The following SV2B variants were observed in gnomAD, a reference collection of about 807,000 sequenced individuals.
SV2B encodes solute carrier family 22 member B2.
In SV2B, 41 loss-of-function variants were observed where a neutral mutation model predicts 73.9. That is an observed-to-expected ratio of 0.56 (90% CI 0.43 to 0.72). The LOEUF is 0.72. Among genes scored for constraint, SV2B ranks in the 30% least tolerant of loss-of-function variants. The probability of loss-of-function intolerance (pLI) is 0.00; values close to 1 mark genes in which losing one functional copy is unlikely to be tolerated. For synonymous variants in SV2B, 314 were observed against 314.2 expected (o/e 1.00, Z 0.01); for missense variants, 764 against 857.8 (o/e 0.89, Z 1.37).
At chr15:91,149,477 T>G in intron 1 of SV2B, among the ~76,000 whole-genome samples, 1 of 152,204 alleles carries the variant, frequency 6.6e-6, no homozygotes, top group Admixed American at 6.5e-5. Context: ...AAGAGAAACT[T>G]GAGTTCTTAG....
rs1033950588 is a variant in SV2B at position 91,128,415 on chromosome 15, G to A, written c.-392+28052G>A. On this transcript the variant is annotated intron_variant, in intron 1 of 12. Transcript: ENST00000394232. The surrounding 1 kb of genome is among the most constrained non-coding windows in gnomAD (Gnocchi z 4.2). ...CTTACCCAGGGTCTGATTCCACCCC[G>A]CAAACCCTCACCTGGCTGAATATGA... is the stretch of plus-strand genomic sequence containing the variant. Among the ~76,000 whole-genome samples, 6 of 152,120 alleles carry A rather than the reference G, an allele frequency of 3.9e-5. No homozygotes were observed. The highest frequency in any genetic ancestry group is 1.2e-4 in the African/African-American group (5 of 41,418).
At chr15:91,199,851 G>A (rs1312552532) in intron 1 of SV2B, among the ~76,000 whole-genome samples, 1 of 152,178 alleles carries the variant, frequency 6.6e-6, no homozygotes, top group Non-Finnish European at 1.5e-5. Context: ...CAAACATACC[G>A]CTGTTGGGGC....
intron 1 of SV2B, among the ~76,000 whole-genome samples, chr15:91,201,453 T>C (rs1442264820): frequency 6.6e-6 from 1 of 152,198 alleles, no homozygotes; most frequent in East Asian, 1.9e-4. Flanking sequence ...CAAGGTCACA[T>C]AGTTAATAGC....
At position 91,209,114 on chromosome 15, in the gene SV2B, G is replaced by T. The variant is rs113721430; in HGVS notation, c.-391-16759G>T. On this transcript the variant is annotated intron_variant, in intron 1 of 12. Coordinates refer to ENST00000394232, the MANE Select transcript of SV2B (RefSeq NM_001323032.3). Reference sequence around the variant, plus strand: ...AGTGACTGTGGCAGTACTGTTTTTTGTTTTTTTTTTTTTTTTTTTTTTTTT... The same window carrying T: ...AGTGACTGTGGCAGTACTGTTTTTTTTTTTTTTTTTTTTTTTTTTTTTTTT... 5.2e-3 allele frequency among the ~76,000 whole-genome samples: 467 copies of T among 89,928 alleles called. 3 individuals carry two copies. Among genetic ancestry groups the T allele is most frequent in the African/African-American group, 0.019 (305 of 16,016 alleles). 59.0% of individuals were successfully genotyped at this position (89,928 alleles called of 152,430 possible). A position where few individuals can be genotyped will look rare whatever the true frequency, so the allele number is the denominator to read the frequency against.
intron 9 of SV2B, among the ~76,000 whole-genome samples, chr15:91,276,591 A>G (rs1244688004): frequency 1.3e-5 from 2 of 151,942 alleles, no homozygotes; most frequent in Admixed American, 1.3e-4. Flanking sequence ...TGATGAGCCT[A>G]ATAATGAGTC....
At chr15:91,221,693 G>GCGCACGCGCACACA (rs370290337) in intron 1 of SV2B, among the ~76,000 whole-genome samples, 2 of 140,068 alleles carry the variant, frequency 1.4e-5, no homozygotes, top group East Asian at 2.1e-4. Context: ...AAGCATGTGC[G>GCGCACGCGCACACA]CACACACACA....
intron 9 of SV2B, among the ~76,000 whole-genome samples, chr15:91,276,000 A>T (rs955854351): frequency 2.0e-5 from 3 of 151,152 alleles, no homozygotes; most frequent in Non-Finnish European, 4.4e-5. Context: ...TGTTTGTCTG[A>T]TGGATCTGTT....
Position 91,280,857 on chromosome 15 carries a change from G to A in SV2B, c.1374-871G>A, listed in dbSNP as rs1049000739. Among the ~76,000 whole-genome samples, 1 of 152,178 alleles carries A rather than the reference G, an allele frequency of 6.6e-6. No homozygotes were observed. The highest frequency in any genetic ancestry group is 2.4e-5 in the African/African-American group (1 of 41,448). On this transcript the variant is annotated intron_variant, in intron 9 of 12. Coordinates refer to ENST00000394232, the MANE Select transcript of SV2B (RefSeq NM_001323032.3). The surrounding 1 kb of genome is among the most constrained non-coding windows in gnomAD (Gnocchi z 5.8). The stretch of plus-strand genomic sequence containing the variant: ...AAACAACCGTTTCTATCAGTTTCTT[G>A]TGTAGCTCTCCAGATATATTTGGAA...
At position 91,258,380 on chromosome 15, in the gene SV2B, A is replaced by T; in HGVS notation, c.785-41A>T. The T allele has an allele frequency of 6.2e-7, 1 of 1,610,914 alleles. No individual in the cohort carries two copies. The highest frequency in any genetic ancestry group is 8.5e-7 in the Non-Finnish European group (1 of 1,178,446). ...GAGTCACTCTTCCGTAGAGGAAAAG[A>T]TCATGTCCCAGAAATCCTTTGACTG... On this transcript the variant is annotated intron_variant, in intron 4 of 12. Coordinates refer to ENST00000394232, the MANE Select transcript of SV2B (RefSeq NM_001323032.3). The surrounding 1 kb of genome is among the most constrained non-coding windows in gnomAD (Gnocchi z 4.7).
rs1263474079 is a variant in SV2B, at chr15:91,266,615, G to A, written c.1042G>A (p.Glu348Lys). ...SNIKTPKQMDEFIEIQSSTGT... is the reference protein window; with the variant it reads ...SNIKTPKQMDKFIEIQSSTGT... ...CATCAAAACTCCCAAGCAAATGGATGAATTCATTGAGATCCAAAGTTCAAC... is the reference window on the plus strand; with the variant it reads ...CATCAAAACTCCCAAGCAAATGGATAAATTCATTGAGATCCAAAGTTCAAC... The change falls in exon 7 of 13, where the codon GAA becomes AAA. Residue 348 changes from glutamate (E) to lysine (K), a missense_variant. By Grantham distance (56) the Glu-to-Lys change is moderately conservative. Transcript: ENST00000394232. 6 of 1,614,124 alleles carry A rather than the reference G, an allele frequency of 3.7e-6. No homozygotes were observed. The African/African-American group carries it at 8.0e-5, about 22-fold the overall frequency.
rs541088800 is a variant in SV2B at position 91,229,828 on chromosome 15, A to G, written c.451+3114A>G. Among the ~76,000 whole-genome samples the G allele has an allele frequency of 1.6e-4, 25 of 152,312 alleles. No individual in the cohort carries two copies. Among genetic ancestry groups the G allele is most frequent in the Non-Finnish European group, 2.1e-4 (14 of 68,030 alleles). On this transcript the variant is annotated intron_variant, in intron 2 of 12. Transcript: ENST00000394232. The surrounding 1 kb of genome is among the most constrained non-coding windows in gnomAD (Gnocchi z 4.3). ...TGAGACTGCAAATTTCTTTCAGCCA[A>G]TGTTTTTTATGGTAGACTTCTAAGG...
At chr15:91,167,798 T>A (rs2043967450) in intron 1 of SV2B, among the ~76,000 whole-genome samples, 1 of 152,246 alleles carries the variant, frequency 6.6e-6, no homozygotes, top group Admixed American at 6.5e-5. Context: ...TTACATTCTA[T>A]AGATTTTGAT....
At chr15:91,254,699 G>A (rs901318712) in intron 4 of SV2B, among the ~76,000 whole-genome samples, 16 of 152,202 alleles carry the variant, frequency 1.1e-4, no homozygotes, top group East Asian at 1.9e-4. Flanking sequence ...GGGGAGAAGT[G>A]ACACAAAAAG....
In SV2B at chr15:91,128,450, A is replaced by T. The variant is rs2042549558; in HGVS notation, c.-392+28087A>T. Among the ~76,000 whole-genome samples the T allele has an allele frequency of 6.6e-6, 1 of 152,146 alleles. No individual in the cohort carries two copies. The highest frequency in any genetic ancestry group is 2.1e-4 in the South Asian group (1 of 4,828). On this transcript the variant is annotated intron_variant, in intron 1 of 12. Transcript: ENST00000394232. This position sits in a 1 kb window ranked among gnomAD's most constrained non-coding sequence, Gnocchi z 4.2. ...ACCTGGCTGAATATGAGATCCCTAC[A>T]TTGCTATTGGCGCTCAGAAAACAAT... is the stretch of plus-strand genomic sequence containing the variant.
rs758558427 is a variant in SV2B, at chr15:91,137,260, C to T, written c.-392+36897C>T. Among the ~76,000 whole-genome samples the T allele has an allele frequency of 1.3e-3, 191 of 152,096 alleles. 1 individual carries two copies. Among genetic ancestry groups the T allele is most frequent in the Non-Finnish European group, 2.2e-3 (150 of 68,030 alleles). On this transcript the variant is annotated intron_variant, in intron 1 of 12. Coordinates refer to ENST00000394232, the MANE Select transcript of SV2B (RefSeq NM_001323032.3). This position sits in a 1 kb window ranked among gnomAD's most constrained non-coding sequence, Gnocchi z 4.9. Reference sequence around the variant, plus strand: ...CTCCAGTCTCCAACTACTAATCACCCCAGTTAATGAGTTGTTTAAGCCACC... The same window carrying T: ...CTCCAGTCTCCAACTACTAATCACCTCAGTTAATGAGTTGTTTAAGCCACC...
chr15:91,131,850 C>A (rs140785242), intron 1 of SV2B, among the ~76,000 whole-genome samples: 1 of 152,124 alleles, frequency 6.6e-6, no homozygotes, highest in African/African-American at 2.4e-5. Context: ...GTAATCCCAG[C>A]TACTCAGGAG....
chr15:91,115,082 A>G lies in SV2B; in HGVS notation c.-392+14719A>G, dbSNP rs182135249. ...GGAGTTTCTTAAAGGAACACTGGAG[A>G]GTTGTTACTGAAAGAAGGGGACATA... is the stretch of plus-strand genomic sequence containing the variant. On this transcript the variant is annotated intron_variant, in intron 1 of 12. Transcript: ENST00000394232. This position sits in a 1 kb window ranked among gnomAD's most constrained non-coding sequence, Gnocchi z 4.3. Among the ~76,000 whole-genome samples the G allele has an allele frequency of 9.2e-5, 14 of 152,316 alleles. No individual in the cohort carries two copies. The East Asian group carries it at 2.5e-3, about 27-fold the overall frequency.
intron 1 of SV2B, among the ~76,000 whole-genome samples, chr15:91,158,611 G>A (rs1338810703): frequency 7.1e-6 from 1 of 140,968 alleles, no homozygotes; most frequent in Non-Finnish European, 1.6e-5. Flanking sequence ...CTAGAGAAAG[G>A]GTGGCCTTTT....
At chr15:91,193,126 C>T (rs565583908) in intron 1 of SV2B, among the ~76,000 whole-genome samples, 2 of 152,250 alleles carry the variant, frequency 1.3e-5, no homozygotes, top group East Asian at 1.9e-4. Context: ...ATATTGTTCC[C>T]GGTTCAGCTC....
Sources: allele counts gnomAD v4.1 joint callset (sites outside exome capture counted in the v4.1 genomes callset), GRCh38; gene constraint gnomAD v4.1.1; non-coding constraint Gnocchi (gnomAD v3.1); transcripts MANE v1.5; gene names NCBI Gene and HGNC (gene_info 2026-07-23, HGNC 2026-07-21).